The following GABRA3 variants were observed in gnomAD, a reference collection of about 807,000 sequenced individuals.
The protein encoded by GABRA3 is gamma-aminobutyric acid type A receptor subunit alpha3.
Under a neutral mutation model 30.1 loss-of-function variants are expected in GABRA3, and 10 were observed. The ratio of observed to expected loss-of-function variants is 0.33; its 90% CI spans 0.20 to 0.56. The LOEUF is 0.56. Among genes scored for constraint, GABRA3 ranks in the 20% least tolerant of loss-of-function variants. GABRA3 has a pLI of 0.89. For missense variants in GABRA3, 233 were observed against 392.0 expected (o/e 0.59, Z 3.42); for synonymous variants, 151 against 146.8 (o/e 1.03, Z -0.21).
intron 1 of GABRA3, among the ~76,000 whole-genome samples, chrX:152,442,523 G>T (rs1018200028): frequency 4.5e-5 from 5 of 111,485 alleles, no homozygotes; most frequent in African/African-American, 1.6e-4. Flanking sequence ...ATGGTAGAAA[G>T]ATCCCCTTCA....
At chrX:152,360,621 G>A (rs1194370949) in intron 2 of GABRA3, among the ~76,000 whole-genome samples, 8 of 75,967 alleles carry the variant, frequency 1.1e-4, no homozygotes, top group Admixed American at 8.1e-4. Context: ...TGGGTGCAGC[G>A]CACCAGCATG....
At chrX:152,434,792 A>G (rs751279354) in intron 1 of GABRA3, among the ~76,000 whole-genome samples, 31 of 111,991 alleles carry the variant, frequency 2.8e-4, no homozygotes, top group Non-Finnish European at 5.6e-4. Flanking sequence ...GATCATTTCA[A>G]TAGATACATA....
Position 152,334,835 on chromosome X carries a change from T to G in GABRA3, c.262+10746A>C, listed in dbSNP as rs73626603. Among the ~76,000 whole-genome samples the G allele has an allele frequency of 8.1e-3, 904 of 111,462 alleles. 11 individuals carry two copies. The highest frequency in any genetic ancestry group is 0.028 in the African/African-American group (866 of 30,685). On this transcript the variant is annotated intron_variant, in intron 3 of 9. Transcript: ENST00000370314. ...AGTAAGAAAGCAAGAGGTTAGAATA[T>G]TTAAACCGAGAACCATTCCCACCCA...
chrX:152,442,056 GA>G lies in GABRA3; in HGVS notation c.-27+9089del, dbSNP rs199931887. Among the ~76,000 whole-genome samples, 42 of 111,187 alleles carry G rather than the reference GA, an allele frequency of 3.8e-4. No homozygotes were observed. In the East Asian group the frequency reaches 0.012, roughly 31 times the overall value. On this transcript the variant is annotated intron_variant, in intron 1 of 9. Coordinates refer to ENST00000370314, the MANE Select transcript of GABRA3 (RefSeq NM_000808.4). ...AAAGCGAAGTAACATTATAGAAGCA[GA>G]TATATGCTATATATATCACAAATAA...
chrX:152,228,394 A>G (rs757801625), intron 5 of GABRA3, among the ~76,000 whole-genome samples: 1 of 111,584 alleles, frequency 9.0e-6, no homozygotes, highest in South Asian at 3.8e-4. Flanking sequence ...GTTATTATAA[A>G]TCAGTTTTGC....
At chrX:152,392,093 C>A in intron 1 of GABRA3, 1 of 257,997 alleles carries the variant, frequency 3.9e-6, no homozygotes, top group Non-Finnish European at 8.0e-6. Flanking sequence ...TAAGTCCAAG[C>A]AGTGAGCATT....
intron 5 of GABRA3, among the ~76,000 whole-genome samples, chrX:152,246,049 G>A (rs1938456258): frequency 8.9e-6 from 1 of 111,746 alleles, no homozygotes; most frequent in South Asian, 3.8e-4. Context: ...CCCAAAAGAA[G>A]AGACCGAGAC....
intron 1 of GABRA3, among the ~76,000 whole-genome samples, chrX:152,407,479 G>T (rs1171389354): frequency 9.0e-6 from 1 of 111,578 alleles, no homozygotes; most frequent in East Asian, 2.8e-4. Context: ...AAACCTAGAA[G>T]AAATTGATAA....
chrX:152,284,608 C>A, intron 4 of GABRA3, 60 bp downstream of exon 4: 1 of 794,916 alleles, frequency 1.3e-6, no homozygotes, highest in Non-Finnish European at 1.9e-6. Flanking sequence ...TAGGAAAGCT[C>A]CAATTTATTT....
chrX:152,310,269 A>G (rs1344960157), intron 3 of GABRA3, among the ~76,000 whole-genome samples: 3 of 112,239 alleles, frequency 2.7e-5, no homozygotes, highest in Non-Finnish European at 1.9e-5. Flanking sequence ...TAAACTTGAC[A>G]CTTAACCAAA....
intron 5 of GABRA3, among the ~76,000 whole-genome samples, chrX:152,233,096 T>C (rs1250490699): frequency 9.0e-6 from 1 of 111,515 alleles, no homozygotes; most frequent in Admixed American, 9.6e-5. Flanking sequence ...CATTTTATCA[T>C]GTTTATTGGC....
intron 1 of GABRA3, among the ~76,000 whole-genome samples, chrX:152,371,719 T>C (rs780189810): frequency 5.4e-5 from 6 of 111,518 alleles, no homozygotes; most frequent in Non-Finnish European, 9.4e-5. Flanking sequence ...TCATACTATC[T>C]ATATCAATCA....
chrX:152,273,910 AATAG>A (rs1389228417), intron 4 of GABRA3, among the ~76,000 whole-genome samples: 1 of 111,756 alleles, frequency 8.9e-6, no homozygotes, highest in Non-Finnish European at 1.9e-5. Context: ...CTATAAGTAA[AATAG>A]ATAAATAAAT....
chrX:152,422,960 A>T (rs1299308308), intron 1 of GABRA3, among the ~76,000 whole-genome samples: 2 of 112,057 alleles, frequency 1.8e-5, no homozygotes, highest in Non-Finnish European at 3.8e-5. Context: ...ATTTCAAAAC[A>T]TCATGTTGTA....
intron 7 of GABRA3, among the ~76,000 whole-genome samples, chrX:152,200,609 T>A (rs1310361918): frequency 3.6e-5 from 4 of 111,225 alleles, no homozygotes; most frequent in Non-Finnish European, 7.5e-5. Context: ...GCATTGGGGA[T>A]TTGTTTTTCA....
chrX:152,410,212 G>A (rs767038034), intron 1 of GABRA3, among the ~76,000 whole-genome samples: 36 of 111,858 alleles, frequency 3.2e-4, no homozygotes, highest in African/African-American at 1.1e-3. Context: ...AGGGTTATCA[G>A]ACGCAGGGAA....
intron 3 of GABRA3, among the ~76,000 whole-genome samples, chrX:152,322,044 C>T (rs1414374878): frequency 8.9e-6 from 1 of 112,102 alleles, no homozygotes; most frequent in African/African-American, 3.2e-5. Flanking sequence ...TAAATGTTTA[C>T]AGCAATACAA....
intron 5 of GABRA3, among the ~76,000 whole-genome samples, chrX:152,250,352 T>C (rs1021270278): frequency 8.1e-5 from 9 of 111,433 alleles, no homozygotes; most frequent in Non-Finnish European, 1.3e-4. Context: ...TTAAACATAG[T>C]AAGCACTCGT....
At chrX:152,310,568 T>C (rs1939783514) in intron 3 of GABRA3, among the ~76,000 whole-genome samples, 1 of 111,512 alleles carries the variant, frequency 9.0e-6, no homozygotes, top group African/African-American at 3.3e-5. Context: ...GCAGTGTTAA[T>C]AGGAAAGTTT....
Sources: gnomAD v4.1 joint callset for allele counts (sites outside exome capture counted in the v4.1 genomes callset) on GRCh38, gnomAD v4.1.1 for gene constraint, MANE v1.5 for transcripts, NCBI Gene and HGNC (gene_info 2026-07-23, HGNC 2026-07-21) for gene names.